TMEM154: variants seen among roughly 807,000 people sequenced by gnomAD.
The protein encoded by TMEM154 is transmembrane protein 154.
Under a neutral mutation model 24.5 loss-of-function variants are expected in TMEM154, and 27 were observed. That is an observed-to-expected ratio of 1.10 (90% CI 0.81 to 1.52). The LOEUF is 1.52. TMEM154 is among the 40% of genes most tolerant of loss of function. TMEM154 has a pLI of 0.00. For synonymous variants in TMEM154, 67 were observed against 76.8 expected (o/e 0.87, Z 0.67); for missense variants, 228 against 213.4 (o/e 1.07, Z -0.43).
chr4:152,673,166 A>G (rs1728881136), intron 1 of TMEM154, among the ~76,000 whole-genome samples: 1 of 152,098 alleles, frequency 6.6e-6, no homozygotes, highest in African/African-American at 2.4e-5. Flanking sequence ...CTTTTCAAAC[A>G]TGTCTATGTC....
At chr4:152,665,220 C>A (rs187088623) in intron 1 of TMEM154, among the ~76,000 whole-genome samples, 1 of 152,296 alleles carries the variant, frequency 6.6e-6, no homozygotes, top group East Asian at 1.9e-4. Context: ...AAATATCGAT[C>A]AATCTAAATA....
At chr4:152,642,534 G>A (rs1752278924) in intron 5 of TMEM154, among the ~76,000 whole-genome samples, 2 of 152,064 alleles carry the variant, frequency 1.3e-5, no homozygotes, top group South Asian at 2.1e-4. Flanking sequence ...CCATCTACAT[G>A]AGCAATGTCC....
intron 1 of TMEM154, among the ~76,000 whole-genome samples, chr4:152,671,511 G>A (rs1728835909): frequency 6.6e-6 from 1 of 151,986 alleles, no homozygotes; most frequent in African/African-American, 2.4e-5. Flanking sequence ...ACTTTGGGAG[G>A]CCGAGGCGGG....
intron 3 of TMEM154, chr4:152,646,586 CT>C (rs1206960889): frequency 4.8e-6 from 1 of 208,048 alleles, no homozygotes; most frequent in African/African-American, 2.3e-5. Flanking sequence ...GCAAATGCAG[CT>C]CTTACAAAGC....
At chr4:152,644,587 C>G in intron 3 of TMEM154, 145 bp from the exon 4 acceptor site, 1 of 795,098 alleles carries the variant, frequency 1.3e-6, no homozygotes, top group Non-Finnish European at 2.1e-6. Context: ...AACTTAGAGT[C>G]AAAGAAGTGT....
intron 3 of TMEM154, among the ~76,000 whole-genome samples, 186 bp from the exon 4 acceptor site, chr4:152,644,628 C>G (rs781689278): frequency 1.3e-5 from 2 of 152,136 alleles, no homozygotes; most frequent in Non-Finnish European, 2.9e-5. Context: ...GGTCCTAATC[C>G]GTGTGAAATC....
intron 1 of TMEM154, among the ~76,000 whole-genome samples, chr4:152,656,403 C>T (rs1301219396): frequency 6.6e-6 from 1 of 152,126 alleles, no homozygotes; most frequent in Non-Finnish European, 1.5e-5. Context: ...ACTGGCCCAC[C>T]TGGTATCCTA....
At chr4:152,656,895 A>G (rs536901235) in intron 1 of TMEM154, among the ~76,000 whole-genome samples, 9 of 152,046 alleles carry the variant, frequency 5.9e-5, no homozygotes, top group African/African-American at 2.2e-4. Context: ...CACTCCAGCC[A>G]TGAGAGGATA....
At chr4:152,644,299 G>T in intron 4 of TMEM154, 116 bp downstream of exon 4, 1 of 1,158,802 alleles carries the variant, frequency 8.6e-7, no homozygotes, top group East Asian at 2.5e-5. Context: ...AACCCCGCCT[G>T]GGAAGCAGGA....
At chr4:152,670,708 G>C (rs1728819838) in intron 1 of TMEM154, among the ~76,000 whole-genome samples, 1 of 152,200 alleles carries the variant, frequency 6.6e-6, no homozygotes, top group Admixed American at 6.5e-5. Flanking sequence ...ATTTATCCAA[G>C]TATTGATATA....
At chr4:152,652,415 T>G in intron 3 of TMEM154, 123 bp downstream of exon 3, 3 of 1,433,624 alleles carry the variant, frequency 2.1e-6, no homozygotes, top group Non-Finnish European at 2.8e-6. Flanking sequence ...CTGGAAAATT[T>G]CATTGAAATG....
At chr4:152,634,575 G>T (rs186267252) in intron 6 of TMEM154, among the ~76,000 whole-genome samples, 98 of 152,340 alleles carry the variant, frequency 6.4e-4, no homozygotes, top group Non-Finnish European at 1.2e-3. Flanking sequence ...TCATGCCCGT[G>T]TTGTGGATAT....
intron 6 of TMEM154, among the ~76,000 whole-genome samples, chr4:152,632,062 C>T (rs1752055172): frequency 1.3e-5 from 2 of 152,240 alleles, no homozygotes; most frequent in South Asian, 4.1e-4. Context: ...CCGCCTCGGC[C>T]TCCCAAAGTG....
intron 1 of TMEM154, among the ~76,000 whole-genome samples, chr4:152,656,349 G>A (rs1728492088): frequency 6.6e-6 from 1 of 152,080 alleles, no homozygotes; most frequent in Admixed American, 6.6e-5. Context: ...GGGATCCAAG[G>A]ACAGATATGC....
At position 152,643,145 on chromosome 4, in the gene TMEM154, C is replaced by G. The variant is rs1269997920; in HGVS notation, c.421G>C (p.Val141Leu). The change falls in exon 5 of 7, where the codon GTT becomes CTT. Residue 141 changes from valine (V) to leucine (L), a missense_variant. Physicochemically the swap from Val to Leu is conservative, Grantham distance 32. Transcript: ENST00000304385. ...VPIFEEDTPS[V>L]MEIEMEELDK... ...AGCTCTTCCATTTCAATTTCCATAACAGAGGGTGTATCTTCCTCAAAAATA... is the reference window on the plus strand; with the variant it reads ...AGCTCTTCCATTTCAATTTCCATAAGAGAGGGTGTATCTTCCTCAAAAATA... 4 of 1,613,044 alleles carry G rather than the reference C, an allele frequency of 2.5e-6. No homozygotes were observed. In the African/African-American group the frequency reaches 4.0e-5, roughly 16 times the overall value.
At chr4:152,661,995 A>G (rs933417727) in intron 1 of TMEM154, among the ~76,000 whole-genome samples, 4 of 152,196 alleles carry the variant, frequency 2.6e-5, no homozygotes, top group Admixed American at 2.6e-4. Flanking sequence ...TTTTTCACTT[A>G]AAATTTTATC....
chr4:152,619,510 T>G lies in TMEM154; in HGVS notation c.*9036A>C, dbSNP rs542949046. ...GTTTATGTCCTTTCCACCTTGAACCTAGGTAGACTTTGTAACTGTCTCAAA... is the reference window on the plus strand; with the variant it reads ...GTTTATGTCCTTTCCACCTTGAACCGAGGTAGACTTTGTAACTGTCTCAAA... On this transcript the variant is annotated 3_prime_UTR_variant, in exon 7 of 7. Transcript: ENST00000304385. 1 of 152,200 alleles carries G rather than the reference T, an allele frequency of 6.6e-6. No individual in the cohort carries two copies. Among genetic ancestry groups the G allele is most frequent in the Non-Finnish European group, 1.5e-5 (1 of 68,034 alleles). 9.4% of individuals were successfully genotyped at this position (152,200 alleles called of 1,614,324 possible).
intron 1 of TMEM154, among the ~76,000 whole-genome samples, chr4:152,679,245 C>T (rs1474535031): frequency 2.7e-5 from 4 of 147,442 alleles, no homozygotes; most frequent in Non-Finnish European, 4.5e-5. Flanking sequence ...TAGTAACAAT[C>T]AATGCAAAAA....
At chr4:152,679,290 T>A (rs1309175269) in intron 1 of TMEM154, among the ~76,000 whole-genome samples, 1 of 150,692 alleles carries the variant, frequency 6.6e-6, no homozygotes, top group Non-Finnish European at 1.5e-5. Flanking sequence ...GCAATAAAAG[T>A]AGATGAAAGA....
Sources: gnomAD v4.1 joint callset for allele counts (sites outside exome capture counted in the v4.1 genomes callset) on GRCh38, gnomAD v4.1.1 for gene constraint, MANE v1.5 for transcripts, NCBI Gene and HGNC (gene_info 2026-07-23, HGNC 2026-07-21) for gene names.